ZNF385C: variants seen among roughly 807,000 people sequenced by gnomAD.
ZNF385C encodes zinc finger protein 385C, also known as CTD-2132N18.2.
In ZNF385C, 28 loss-of-function variants were observed where a neutral mutation model predicts 35.4. The ratio of observed to expected loss-of-function variants is 0.79; its 90% CI spans 0.59 to 1.08. The LOEUF is 1.08. ZNF385C is among the 50% of genes least tolerant of loss of function. The probability of loss-of-function intolerance (pLI) is 0.00; values close to 1 mark genes in which losing one functional copy is unlikely to be tolerated. For synonymous variants in ZNF385C, 248 were observed against 248.2 expected (o/e 1.00, Z 0.01); for missense variants, 605 against 595.6 (o/e 1.02, Z -0.16).
Position 42,037,737 on chromosome 17 carries a change from C to G in ZNF385C, c.399G>C (p.Thr133=), listed in dbSNP as rs1251350167. 11 of 1,528,102 alleles carry G rather than the reference C, an allele frequency of 7.2e-6. No homozygotes were observed. The Admixed American group carries it at 2.3e-4, about 32-fold the overall frequency. 94.7% of individuals were successfully genotyped at this position (1,528,102 alleles called of 1,614,324 possible). The change falls in exon 3 of 9, where the codon ACG becomes ACC. Residue 133 remains threonine (T), a splice_region_variant and synonymous_variant. Transcript: ENST00000692273. Reference sequence around the variant, plus strand: ...CCCCACCCGCCAGCCCAGCCCATACCGTGCTGAAGTTGGGGAAGAGACTGA... The same window carrying G: ...CCCCACCCGCCAGCCCAGCCCATACGGTGCTGAAGTTGGGGAAGAGACTGA... ...APLSLFPNFS[T]MDPVQKAVIS... is the part of the protein sequence containing the mutation.
chr17:42,029,825 G>A (rs921848185), intron 5 of ZNF385C, among the ~76,000 whole-genome samples: 1 of 151,856 alleles, frequency 6.6e-6, no homozygotes, highest in Admixed American at 6.6e-5. Context: ...CTTGAGTCCA[G>A]GACTTCGAGA....
chr17:42,078,897 G>A (rs779160840), intron 1 of ZNF385C, among the ~76,000 whole-genome samples: 4 of 152,142 alleles, frequency 2.6e-5, no homozygotes, highest in African/African-American at 4.8e-5. Flanking sequence ...ATGTGTTTAC[G>A]TTGCAACTTC....
intron 3 of ZNF385C, among the ~76,000 whole-genome samples, chr17:42,035,770 C>T (rs564498544): frequency 6.6e-6 from 1 of 151,930 alleles, no homozygotes; most frequent in South Asian, 2.1e-4. Context: ...CCAGGCTGGT[C>T]TCGAACTCCT....
intron 3 of ZNF385C, among the ~76,000 whole-genome samples, chr17:42,036,721 C>G (rs1470554461): frequency 6.6e-6 from 1 of 152,026 alleles, no homozygotes; most frequent in Non-Finnish European, 1.5e-5. Flanking sequence ...CTGCAGGGGC[C>G]CCCTGCAATT....
intron 3 of ZNF385C, among the ~76,000 whole-genome samples, chr17:42,036,687 G>A (rs1406352282): frequency 6.6e-6 from 1 of 152,170 alleles, no homozygotes; most frequent in African/African-American, 2.4e-5. Context: ...GGGCTCAGGG[G>A]ACAGGACCTC....
At chr17:42,084,023 T>A (rs1328346343) in intron 1 of ZNF385C, among the ~76,000 whole-genome samples, 1 of 152,080 alleles carries the variant, frequency 6.6e-6, no homozygotes, top group Non-Finnish European at 1.5e-5. Context: ...CCAGCCACTT[T>A]TAAAGCCGTT....
At chr17:42,048,861 G>A (rs1168154158) in intron 2 of ZNF385C, among the ~76,000 whole-genome samples, 1 of 151,430 alleles carries the variant, frequency 6.6e-6, no homozygotes, top group East Asian at 1.9e-4. Context: ...CCAGAGGGGG[G>A]CTTTTAAAAA....
At chr17:42,060,931 T>A (rs2053450984) in intron 2 of ZNF385C, among the ~76,000 whole-genome samples, 1 of 152,054 alleles carries the variant, frequency 6.6e-6, no homozygotes, top group African/African-American at 2.4e-5. Flanking sequence ...CCCAGGCTGG[T>A]CTCGAACTCC....
At chr17:42,060,962 G>T (rs943179966) in intron 2 of ZNF385C, among the ~76,000 whole-genome samples, 1 of 152,082 alleles carries the variant, frequency 6.6e-6, no homozygotes, top group Non-Finnish European at 1.5e-5. Flanking sequence ...CAATCTGCCC[G>T]CTTTGGGGTC....
Position 42,079,187 on chromosome 17 carries a change from C to CAA in ZNF385C, c.-2-16131_-2-16130dup, listed in dbSNP as rs141880528. On this transcript the variant is annotated intron_variant, in intron 1 of 8. Transcript: ENST00000692273. Reference sequence around the variant, plus strand: ...AGAAACATGACAAAACCCTGTCTCGCAAAAAAAAAAAAAAAAATATATATA... The same window carrying CAA: ...AGAAACATGACAAAACCCTGTCTCGCAAAAAAAAAAAAAAAAAAATATATATA... Among the ~76,000 whole-genome samples the CAA allele has an allele frequency of 2.7e-3, 312 of 113,960 alleles. 1 individual carries two copies. Among genetic ancestry groups the CAA allele is most frequent in the Non-Finnish European group, 3.9e-3 (221 of 57,062 alleles). The allele number at this position is 113,960 out of a possible 152,430, so 74.8% of individuals were successfully genotyped here. A position where few individuals can be genotyped will look rare whatever the true frequency, so the allele number is the denominator to read the frequency against.
At chr17:42,051,829 C>T (rs879954185) in intron 2 of ZNF385C, among the ~76,000 whole-genome samples, 2 of 152,178 alleles carry the variant, frequency 1.3e-5, no homozygotes, top group Non-Finnish European at 2.9e-5. Context: ...ATCCTCCATG[C>T]AGCACTGCTC....
chr17:42,086,980 C>T (rs1400256319), intron 1 of ZNF385C, among the ~76,000 whole-genome samples: 3 of 151,698 alleles, frequency 2.0e-5, no homozygotes, highest in Non-Finnish European at 2.9e-5. Flanking sequence ...ACCACCACGC[C>T]CGGCTAATTT....
intron 2 of ZNF385C, among the ~76,000 whole-genome samples, chr17:42,052,667 A>G (rs2053305413): frequency 6.6e-6 from 1 of 152,168 alleles, no homozygotes; most frequent in Non-Finnish European, 1.5e-5. Context: ...ACTCCTACAA[A>G]TGCAGTTACA....
intron 7 of ZNF385C, 113 bp downstream of exon 7, chr17:42,027,937 C>A: frequency 7.1e-7 from 1 of 1,402,518 alleles, no homozygotes; most frequent in East Asian, 2.3e-5. Context: ...CCTCGCTTCT[C>A]CAGCCTGCTC....
intron 1 of ZNF385C, among the ~76,000 whole-genome samples, chr17:42,097,986 C>G (rs1467724188): frequency 6.6e-6 from 1 of 152,220 alleles, no homozygotes; most frequent in Non-Finnish European, 1.5e-5. Context: ...CATTAGCCCA[C>G]GGAACAGAAG....
At chr17:42,087,485 TA>T (rs1394113929) in intron 1 of ZNF385C, among the ~76,000 whole-genome samples, 1 of 152,240 alleles carries the variant, frequency 6.6e-6, no homozygotes, top group Non-Finnish European at 1.5e-5. Flanking sequence ...CATTTCTGCT[TA>T]CCAGGATAAT....
intron 1 of ZNF385C, among the ~76,000 whole-genome samples, chr17:42,079,245 T>C (rs1233168384): frequency 7.0e-6 from 1 of 142,706 alleles, no homozygotes; most frequent in Non-Finnish European, 1.5e-5. Flanking sequence ...CACACATATA[T>C]GAACAAAAAT....
intron 2 of ZNF385C, chr17:42,039,871 C>T (rs1186566537): frequency 2.6e-5 from 32 of 1,229,344 alleles, no homozygotes; most frequent in African/African-American, 6.2e-5. Flanking sequence ...CCGCAGCTCC[C>T]GGCTGCGGCC....
In ZNF385C at chr17:42,031,741, T is replaced by C; in HGVS notation, c.554A>G (p.Lys185Arg). The change falls in exon 5 of 9, where the codon AAA becomes AGA. Residue 185 changes from lysine to arginine, a missense_variant. Coordinates refer to ENST00000692273, the MANE Select transcript of ZNF385C (RefSeq NM_001392013.1). ...CTTGGCAGCCTCGACAGCCTTGAGT[T>C]TTCTGGCGTGTTTGTGGCCTTTATA... is the stretch of plus-strand genomic sequence containing the variant. ...AHYKGHKHARKLKAVEAAKSK... is the reference protein window; with the variant it reads ...AHYKGHKHARRLKAVEAAKSK... 1.2e-5 allele frequency: 18 copies of C among 1,550,870 alleles called. No individual in the cohort carries two copies. Among genetic ancestry groups the C allele is most frequent in the Non-Finnish European group, 1.6e-5 (18 of 1,147,084 alleles).
Sources: allele counts gnomAD v4.1 joint callset (sites outside exome capture counted in the v4.1 genomes callset), GRCh38; gene constraint gnomAD v4.1.1; transcripts MANE v1.5; gene names NCBI Gene and HGNC (gene_info 2026-07-23, HGNC 2026-07-21).